CD36: variants seen among roughly 807,000 people sequenced by gnomAD.
The protein encoded by CD36 is platelet glycoprotein 4.
Under a neutral mutation model 55.2 loss-of-function variants are expected in CD36, and 119 were observed. The observed-to-expected ratio is 2.15, with a 90% CI of 1.86 to 2.51. The LOEUF is 2.51. Among genes scored for constraint, CD36 ranks in the 30% most tolerant of loss-of-function variants. CD36 has a pLI of 0.00. For synonymous variants in CD36, 186 were observed against 193.6 expected, an observed-to-expected ratio of 0.96 and a Z score of 0.33; for missense variants, 819 against 555.5, an observed-to-expected ratio of 1.47 and a Z score of -4.77.
chr7:80,646,659 GCTTGTAGAAACCACTTTA>G lies in CD36; in HGVS notation c.-81_-64del. Reference sequence around the variant, plus strand: ...ATCTCTTTCTAATGATAGAACCAGAGCTTGTAGAAACCACTTTAATCATATCCAGGAGTTTGCAAGAAA... The same window carrying G: ...ATCTCTTTCTAATGATAGAACCAGAGATCATATCCAGGAGTTTGCAAGAAA... On this transcript the variant is annotated 5_prime_UTR_variant, in exon 3 of 15. Coordinates refer to ENST00000447544, the MANE Select transcript of CD36 (RefSeq NM_001001548.3). 1 of 1,519,290 alleles carries G rather than the reference GCTTGTAGAAACCACTTTA, an allele frequency of 6.6e-7. No individual in the cohort carries two copies. 94.1% of individuals were successfully genotyped at this position (1,519,290 alleles called of 1,614,324 possible).
In CD36 at chr7:80,664,499, T is replaced by TAAGTA. The variant is rs763724113; in HGVS notation, c.701+3_701+7dup. On this transcript the variant is annotated splice_region_variant and intron_variant, in intron 7 of 14. Coordinates refer to ENST00000447544, the MANE Select transcript of CD36 (RefSeq NM_001001548.3). ...AATCGACACATATAAAGGTAAAAGG[T>TAAGTA]AAGTATTCTGGTAAAATGTGCATGT... is the stretch of plus-strand genomic sequence containing the variant. 8.8e-6 allele frequency: 13 copies of TAAGTA among 1,477,992 alleles called. No individual in the cohort carries two copies. The highest frequency in any genetic ancestry group is 1.2e-5 in the Non-Finnish European group (13 of 1,056,532). 91.6% of individuals were successfully genotyped at this position (1,477,992 alleles called of 1,614,324 possible).
At position 80,656,619 on chromosome 7, in the gene CD36, T is replaced by A. The variant is rs556181210; in HGVS notation, c.200T>A (p.Ile67Asn). Reference protein sequence around the residue: ...TGTEVYRQFWIFDVQNPQEVM... With the variant: ...TGTEVYRQFWNFDVQNPQEVM... ...ACAGAAGTTTACAGACAGTTTTGGA[T>A]CTTTGATGTGCAAAATCCACAGGAA... is the stretch of plus-strand genomic sequence containing the variant. The change falls in exon 4 of 15, where the codon ATC becomes AAC. Residue 67 changes from isoleucine (I) to asparagine (N), a missense_variant. Coordinates refer to ENST00000447544, the MANE Select transcript of CD36 (RefSeq NM_001001548.3). The A allele has an allele frequency of 6.8e-6, 11 of 1,613,836 alleles. No individual in the cohort carries two copies. The East Asian group carries it at 2.5e-4, about 36-fold the overall frequency.
At chr7:80,657,380 T>C (rs1288617058) in intron 4 of CD36, among the ~76,000 whole-genome samples, 1 of 152,242 alleles carries the variant, frequency 6.6e-6, no homozygotes, top group Admixed American at 6.5e-5. Flanking sequence ...ATGTTTACAT[T>C]GATCTATTTT....
chr7:80,662,976 C>G lies in CD36; in HGVS notation c.430-14C>G, dbSNP rs1324862225. 1.1e-5 allele frequency: 17 copies of G among 1,599,390 alleles called. No homozygotes were observed. In the East Asian group the frequency reaches 3.4e-4, roughly 32 times the overall value. On this transcript the variant is annotated splice_polypyrimidine_tract_variant and intron_variant, in intron 5 of 14. Transcript: ENST00000447544. The stretch of plus-strand genomic sequence containing the variant: ...ATTGTATTCTTGTCTTAAACAGTGA[C>G]TTTGTTTTTGTAGGCTGCATCCCAT...
chr7:80,628,492 T>C (rs1277879720), intron 1 of CD36, among the ~76,000 whole-genome samples: 1 of 152,036 alleles, frequency 6.6e-6, no homozygotes, highest in Non-Finnish European at 1.5e-5. Flanking sequence ...TTACATAGAG[T>C]GTAGAAAACC....
chr7:80,667,369 G>A (rs1225574694), intron 8 of CD36, among the ~76,000 whole-genome samples: 2 of 147,862 alleles, frequency 1.4e-5, no homozygotes, highest in Non-Finnish European at 3.0e-5. Flanking sequence ...GGTGGAGGCT[G>A]CAGTGAGCTA....
rs1455269063 is a variant in CD36 at position 80,676,394 on chromosome 7, A to G, written c.*11A>G. 1.3e-5 allele frequency: 2 copies of G among 152,172 alleles called. No homozygotes were observed. The highest frequency in any genetic ancestry group is 4.1e-4 in the South Asian group (2 of 4,828). 9.4% of individuals were successfully genotyped at this position (152,172 alleles called of 1,614,324 possible). A position where few individuals can be genotyped will look rare whatever the true frequency, so the allele number is the denominator to read the frequency against. ...TTTCCGTTTCTACAGACCTGGCTCA[A>G]GCACAAACCAATTTGTGTTGTTCTG... On this transcript the variant is annotated 3_prime_UTR_variant, in exon 15 of 15. Transcript: ENST00000447544.
chr7:80,632,648 A>T (rs1448848886), intron 1 of CD36, among the ~76,000 whole-genome samples: 1 of 152,046 alleles, frequency 6.6e-6, no homozygotes, highest in African/African-American at 2.4e-5. Context: ...CTGTTTTAAG[A>T]TATTCATCAT....
At chr7:80,614,610 G>A (rs139903431) in intron 1 of CD36, among the ~76,000 whole-genome samples, 4 of 151,834 alleles carry the variant, frequency 2.6e-5, no homozygotes, top group African/African-American at 7.3e-5. Context: ...TCTTCTTCGC[G>A]GCTCCATCTT....
intron 1 of CD36, among the ~76,000 whole-genome samples, chr7:80,612,780 C>G (rs1334591889): frequency 6.6e-6 from 1 of 152,096 alleles, no homozygotes; most frequent in Non-Finnish European, 1.5e-5. Context: ...AATGTATAAG[C>G]ATTGTGGAAT....
In CD36 at chr7:80,674,093, G is replaced by A. The variant is rs746020819; in HGVS notation, c.1365G>A (p.Met455Ile). ...EMILLSVGVV[M>I]FVAFMISYCA... Reference sequence around the variant, plus strand: ...TCTTACTCAGTGTTGGTGTGGTGATGTTTGTTGCTTTTATGATTTCATATT... The same window carrying A: ...TCTTACTCAGTGTTGGTGTGGTGATATTTGTTGCTTTTATGATTTCATATT... Residue 455 changes from methionine (M) to isoleucine (I), a missense_variant, in exon 14 of 15, where the codon ATG (methionine) becomes ATA (isoleucine). Coordinates refer to ENST00000447544, the MANE Select transcript of CD36 (RefSeq NM_001001548.3). 1.9e-6 allele frequency: 3 copies of A among 1,612,356 alleles called. No homozygotes were observed. In the South Asian group the frequency reaches 3.3e-5, roughly 18 times the overall value.
chr7:80,653,219 C>A (rs1386386362), intron 3 of CD36, among the ~76,000 whole-genome samples: 3 of 152,316 alleles, frequency 2.0e-5, no homozygotes, highest in African/African-American at 7.2e-5. Context: ...ATCTGCTAAA[C>A]ATACTTCTGT....
intron 14 of CD36, chr7:80,675,965 A>C (rs909920443): frequency 2.8e-5 from 3 of 106,974 alleles, no homozygotes; most frequent in Admixed American, 2.7e-4. Flanking sequence ...CTTGTCTTGA[A>C]GCACCCTTCT....
intron 3 of CD36, among the ~76,000 whole-genome samples, chr7:80,654,918 A>G (rs1795935907): frequency 6.6e-6 from 1 of 150,476 alleles, no homozygotes; most frequent in African/African-American, 2.4e-5. Flanking sequence ...CATGGTGTAA[A>G]GGAGGACTAG....
chr7:80,656,795 CTTA>C (rs905174760), intron 4 of CD36, 95 bp downstream of exon 4: 2 of 1,132,222 alleles, frequency 1.8e-6, no homozygotes, highest in Non-Finnish European at 1.3e-6. Context: ...TTGAAATGTA[CTTA>C]TTATTTTCTT....
intron 8 of CD36, among the ~76,000 whole-genome samples, chr7:80,667,747 G>GTTTTTTTTTTTTTT (rs1165767460): frequency 1.2e-5 from 1 of 82,634 alleles, no homozygotes; most frequent in Non-Finnish European, 2.6e-5. Context: ...GTTTTCTTTT[G>GTTTTTTTTTTTTTT]TTTTTTTTTT....
intron 1 of CD36, among the ~76,000 whole-genome samples, chr7:80,612,654 A>C (rs1345093276): frequency 3.9e-5 from 6 of 152,184 alleles, no homozygotes; most frequent in African/African-American, 1.4e-4. Flanking sequence ...TACCACCTGA[A>C]ATAGAAGAGA....
intron 1 of CD36, among the ~76,000 whole-genome samples, chr7:80,605,097 C>A (rs557492536): frequency 6.6e-6 from 1 of 152,262 alleles, no homozygotes; most frequent in African/African-American, 2.4e-5. Flanking sequence ...AGCATCCTGT[C>A]TTTCCAGAGA....
chr7:80,660,420 C>T (rs996429852), intron 4 of CD36, among the ~76,000 whole-genome samples: 6 of 152,084 alleles, frequency 3.9e-5, no homozygotes, highest in Admixed American at 6.6e-5. Flanking sequence ...CTGGATAGGC[C>T]TTGTATTTTG....
Sources: allele counts gnomAD v4.1 joint callset (sites outside exome capture counted in the v4.1 genomes callset), GRCh38; gene constraint gnomAD v4.1.1; transcripts MANE v1.5; gene names NCBI Gene and HGNC (gene_info 2026-07-23, HGNC 2026-07-21).